The following TBXAS1 variants were observed in gnomAD, a reference collection of about 807,000 sequenced individuals.
TBXAS1 encodes the protein thromboxane A synthase 1.
A neutral mutation model predicts 60.7 loss-of-function variants in TBXAS1; 48 were observed. That is an observed-to-expected ratio of 0.79 (90% CI 0.63 to 1.01). The LOEUF (loss-of-function observed/expected upper bound fraction) is 1.01. Among genes scored for constraint, TBXAS1 ranks in the 50% least tolerant of loss-of-function variants. The pLI is 0.00. For missense variants in TBXAS1, 685 were observed against 686.3 expected, an observed-to-expected ratio of 1.00 and a Z score of 0.02; for synonymous variants, 287 against 269.7, an observed-to-expected ratio of 1.06 and a Z score of -0.63.
In TBXAS1 at chr7:139,961,955, C is replaced by T. The variant is rs766799764; in HGVS notation, c.856C>T (p.Arg286Ter). ...RDFLQMVLDARHSASPMGVQD... is the reference protein window; with the variant it reads ...RDFLQMVLDA ...CTTCCTCCAAATGGTCCTGGATGCC[C>T]GACATTCTGCAAGTCCCATGGGCGT... is the stretch of plus-strand genomic sequence containing the variant. Residue 286 changes from arginine (R) to a stop codon, truncating the protein, a stop_gained, in exon 9 of 13, where the codon CGA becomes TGA. Coordinates refer to ENST00000448866, the MANE Select transcript of TBXAS1 (RefSeq NM_001061.7). LOFTEE classifies it high-confidence loss of function. The T allele has an allele frequency of 3.7e-5, 60 of 1,614,094 alleles. No individual in the cohort carries two copies. Among genetic ancestry groups the T allele is most frequent in the East Asian group, 3.1e-4 (14 of 44,904 alleles).
At chr7:139,862,708 A>T (rs1801056438) in intron 1 of TBXAS1, among the ~76,000 whole-genome samples, 4 of 152,236 alleles carry the variant, frequency 2.6e-5, no homozygotes, top group Admixed American at 6.5e-5. Flanking sequence ...ACAATAATTG[A>T]GAATAATGAG....
chr7:139,903,694 G>A (rs1804754013), intron 3 of TBXAS1, among the ~76,000 whole-genome samples: 1 of 152,076 alleles, frequency 6.6e-6, no homozygotes, highest in Admixed American at 6.5e-5. Context: ...GCATTTCCCT[G>A]ATCATCAGTG....
chr7:139,955,930 T>G (rs1209634163), intron 7 of TBXAS1, among the ~76,000 whole-genome samples: 1 of 152,186 alleles, frequency 6.6e-6, no homozygotes, highest in Non-Finnish European at 1.5e-5. Context: ...AAAAATATTC[T>G]TGTCCCTATT....
intron 4 of TBXAS1, among the ~76,000 whole-genome samples, chr7:139,823,037 G>A (rs1798340212): frequency 6.6e-6 from 1 of 151,702 alleles, no homozygotes; most frequent in Admixed American, 6.6e-5. Context: ...ACTCACCCCA[G>A]TTTCCCATGC....
At chr7:140,010,638 G>C (rs1814535645) in intron 10 of TBXAS1, among the ~76,000 whole-genome samples, 1 of 152,172 alleles carries the variant, frequency 6.6e-6, no homozygotes, top group Admixed American at 6.5e-5. Flanking sequence ...GCCTGCCCTG[G>C]TTTCAGTGCT....
At chr7:139,917,484 A>G (rs1289992699) in intron 4 of TBXAS1, among the ~76,000 whole-genome samples, 2 of 152,196 alleles carry the variant, frequency 1.3e-5, no homozygotes, top group Non-Finnish European at 1.5e-5. Context: ...GACAGTCGCA[A>G]TGGGATGCCT....
intron 9 of TBXAS1, among the ~76,000 whole-genome samples, chr7:139,991,542 G>C (rs1294387742): frequency 1.3e-5 from 2 of 152,178 alleles, no homozygotes; most frequent in Non-Finnish European, 2.9e-5. Flanking sequence ...ATCAAGGGAG[G>C]CACGCAGGCT....
At chr7:139,823,721 T>C (rs1798362192) in intron 4 of TBXAS1, among the ~76,000 whole-genome samples, 1 of 152,162 alleles carries the variant, frequency 6.6e-6, no homozygotes, top group South Asian at 2.1e-4. Flanking sequence ...AGCCAAAAGA[T>C]TCGGGCTTGA....
intron 2 of TBXAS1, among the ~76,000 whole-genome samples, chr7:139,874,212 C>G (rs970559565): frequency 6.6e-6 from 1 of 152,156 alleles, no homozygotes; most frequent in African/African-American, 2.4e-5. Flanking sequence ...CCCCTTGAAA[C>G]AAGTGTGAAG....
intron 2 of TBXAS1, 23 bp downstream of exon 2, chr7:139,872,351 T>A: frequency 1.2e-6 from 2 of 1,608,592 alleles, no homozygotes; most frequent in South Asian, 2.2e-5. Context: ...TTCCATTGGC[T>A]TCCATCATAA....
intron 1 of TBXAS1, among the ~76,000 whole-genome samples, chr7:139,868,652 ATTTTT>A (rs71170918): frequency 9.5e-6 from 1 of 105,032 alleles, no homozygotes; most frequent in African/African-American, 3.7e-5. Flanking sequence ...CCTGGCTAAT[ATTTTT>A]TTTTTTTTTT....
At chr7:139,986,489 A>G (rs1304192260) in intron 9 of TBXAS1, among the ~76,000 whole-genome samples, 1 of 151,830 alleles carries the variant, frequency 6.6e-6, no homozygotes, top group Non-Finnish European at 1.5e-5. Flanking sequence ...AATGAACCCA[A>G]TTTATAGTCT....
At chr7:140,009,080 G>C (rs773073200) in intron 10 of TBXAS1, among the ~76,000 whole-genome samples, 72 of 152,366 alleles carry the variant, frequency 4.7e-4, no homozygotes, top group East Asian at 3.9e-4. Context: ...CTTATTAGCT[G>C]TCATGTTGAA....
At chr7:139,824,299 C>T (rs184977893), upstream of TBXAS1, among the ~76,000 whole-genome samples, 1 of 152,210 alleles carries the variant, frequency 6.6e-6, no homozygotes, top group East Asian at 1.9e-4. Flanking sequence ...CACCTCCCCG[C>T]ATGGCTCGAG....
At chr7:139,855,613 G>A (rs1352844234) in intron 1 of TBXAS1, among the ~76,000 whole-genome samples, 6 of 152,150 alleles carry the variant, frequency 3.9e-5, no homozygotes, top group African/African-American at 1.2e-4. Flanking sequence ...CTGCAGCCTA[G>A]AAAGGCTGAT....
intron 9 of TBXAS1, among the ~76,000 whole-genome samples, chr7:139,992,195 G>C (rs1182835709): frequency 6.6e-6 from 1 of 152,226 alleles, no homozygotes; most frequent in Non-Finnish European, 1.5e-5. Context: ...AGCAGGCCAG[G>C]GGGTGAGGCA....
intron 4 of TBXAS1, among the ~76,000 whole-genome samples, chr7:139,809,233 T>TAGATAGATAGATAGATGATAGATA (rs1554466810): frequency 1.8e-4 from 24 of 130,990 alleles, no homozygotes; most frequent in Admixed American, 4.9e-4. Context: ...GATAGATAGA[T>TAGATAGATAGATAGATGATAGATA]GATAGATAGA....
intron 9 of TBXAS1, among the ~76,000 whole-genome samples, chr7:139,978,415 C>A (rs903514786): frequency 2.0e-5 from 3 of 151,048 alleles, no homozygotes; most frequent in African/African-American, 7.3e-5. Context: ...GAGGCTGAGG[C>A]AGGAGAATTG....
At chr7:139,984,614 A>AAGAGAGAGAGAG (rs748137753) in intron 9 of TBXAS1, among the ~76,000 whole-genome samples, 5 of 65,618 alleles carry the variant, frequency 7.6e-5, no homozygotes, top group African/African-American at 2.6e-4. Context: ...ATAAGAAAGA[A>AAGAGAGAGAGAG]AGAGAGAGAG....
Sources: gnomAD v4.1 joint callset for allele counts (sites outside exome capture counted in the v4.1 genomes callset) on GRCh38, gnomAD v4.1.1 for gene constraint, MANE v1.5 for transcripts, NCBI Gene and HGNC (gene_info 2026-07-23, HGNC 2026-07-21) for gene names.